MROH1: variants seen among roughly 807,000 people sequenced by gnomAD.
MROH1 encodes maestro heat like repeat family member 1.
Under a neutral mutation model 116.5 loss-of-function variants are expected in MROH1, and 117 were observed. The observed-to-expected ratio is 1.00, with a 90% CI of 0.86 to 1.17. The LOEUF is 1.17. Among genes scored for constraint, MROH1 ranks in the 50% most tolerant of loss-of-function variants. MROH1 has a pLI of 0.00. For missense variants in MROH1, 1,873 were observed against 1,338.5 expected, an observed-to-expected ratio of 1.40 and a Z score of -6.23; for synonymous variants, 921 against 583.9, an observed-to-expected ratio of 1.58 and a Z score of -8.32.
Position 144,261,861 on chromosome 8 carries a change from G to C in MROH1, c.*121G>C. The C allele has an allele frequency of 2.9e-6, 2 of 690,216 alleles. No individual in the cohort carries two copies. 42.8% of individuals were successfully genotyped at this position (690,216 alleles called of 1,614,324 possible). A position where few individuals can be genotyped will look rare whatever the true frequency, so the allele number is the denominator to read the frequency against. ...CTGGAGGGGCCTGGCCCCAGAACAG[G>C]CACTGCTGGGGACCAAACCCAAGCC... is the stretch of plus-strand genomic sequence containing the variant. On this transcript the variant is annotated 3_prime_UTR_variant, in exon 44 of 44. Coordinates refer to ENST00000326134, the MANE Select transcript of MROH1 (RefSeq NM_032450.3).
At chr8:144,192,503 G>A (rs1828888922) in intron 10 of MROH1, 102 bp downstream of exon 10, 3 of 952,938 alleles carry the variant, frequency 3.1e-6, no homozygotes, top group Admixed American at 4.0e-5. Context: ...GGATGGCTCA[G>A]CCACGTGGGG....
At chr8:144,205,878 A>G (rs1262251481) in intron 12 of MROH1, among the ~76,000 whole-genome samples, 2 of 152,222 alleles carry the variant, frequency 1.3e-5, no homozygotes, top group Non-Finnish European at 2.9e-5. Context: ...ATAATCTTCA[A>G]TAGAAATGCA....
intron 4 of MROH1, among the ~76,000 whole-genome samples, chr8:144,175,295 G>A (rs2131195972): frequency 6.8e-6 from 1 of 147,400 alleles, no homozygotes; most frequent in Non-Finnish European, 1.5e-5. Flanking sequence ...GCCCCTCCCA[G>A]CAACGGGTCC....
chr8:144,210,229 A>G (rs1359717667), intron 12 of MROH1, among the ~76,000 whole-genome samples: 1 of 152,058 alleles, frequency 6.6e-6, no homozygotes, highest in African/African-American at 2.4e-5. Context: ...ACTTGAGGTC[A>G]GGAATTTGAG....
chr8:144,179,208 C>T (rs1313263922), intron 4 of MROH1, among the ~76,000 whole-genome samples: 1 of 152,064 alleles, frequency 6.6e-6, no homozygotes, highest in Admixed American at 6.5e-5. Context: ...GAGAAGCCCC[C>T]CGCCTCGCCC....
intron 3 of MROH1, among the ~76,000 whole-genome samples, chr8:144,165,871 C>A (rs1048904463): frequency 2.6e-5 from 4 of 151,560 alleles, no homozygotes; most frequent in Non-Finnish European, 5.9e-5. Context: ...CTGTGCCCGG[C>A]CATCAGGCAT....
At chr8:144,198,861 C>G (rs1032009952) in intron 10 of MROH1, among the ~76,000 whole-genome samples, 1 of 152,114 alleles carries the variant, frequency 6.6e-6, no homozygotes, top group Non-Finnish European at 1.5e-5. Context: ...GTGTGTCTGC[C>G]TGTTGCTGCC....
chr8:144,227,931 T>G (rs906904063), intron 14 of MROH1, among the ~76,000 whole-genome samples: 6 of 137,072 alleles, frequency 4.4e-5, no homozygotes, highest in African/African-American at 1.7e-4. Flanking sequence ...CCCGCCTGGG[T>G]GACATAGTGA....
At chr8:144,195,320 T>A (rs1829611863) in intron 10 of MROH1, among the ~76,000 whole-genome samples, 1 of 147,298 alleles carries the variant, frequency 6.8e-6, no homozygotes, top group South Asian at 2.1e-4. Context: ...GATAACACGG[T>A]GAAACCCTGT....
At chr8:144,253,596 A>T (rs1843199510) in intron 33 of MROH1, among the ~76,000 whole-genome samples, 1 of 151,998 alleles carries the variant, frequency 6.6e-6, no homozygotes, top group South Asian at 2.1e-4. Flanking sequence ...CCTCCTGTGC[A>T]TTTGTCCACG....
intron 14 of MROH1, among the ~76,000 whole-genome samples, chr8:144,227,767 T>C (rs753946171): frequency 3.3e-5 from 5 of 151,554 alleles, no homozygotes; most frequent in Non-Finnish European, 7.4e-5. Context: ...CTGGGCAACA[T>C]AGCGAGACCT....
At position 144,190,918 on chromosome 8, in the gene MROH1, C is replaced by T. The variant is rs1828417327; in HGVS notation, c.697C>T (p.Gln233Ter). 1 of 1,613,352 alleles carries T rather than the reference C, an allele frequency of 6.2e-7. No individual in the cohort carries two copies. The highest frequency in any genetic ancestry group is 8.5e-7 in the Non-Finnish European group (1 of 1,179,850). Residue 233 changes from glutamine (Q) to a stop codon, truncating the protein, a stop_gained, in exon 8 of 44, where the codon CAG becomes TAG. Transcript: ENST00000326134. LOFTEE classifies it high-confidence loss of function. ...AYDVLFHQWL[Q>*]SREAKLRLAV... Reference sequence around the variant, plus strand: ...CGATGTTCTCTTCCATCAGTGGCTGCAGAGTCGAGAAGCCAAGGTATGCCC... The same window carrying T: ...CGATGTTCTCTTCCATCAGTGGCTGTAGAGTCGAGAAGCCAAGGTATGCCC...
chr8:144,200,671 T>A, intron 12 of MROH1, 130 bp downstream of exon 12: 1 of 731,868 alleles, frequency 1.4e-6, no homozygotes, highest in Non-Finnish European at 2.3e-6. Context: ...TTTCCCTACT[T>A]ACTATTTTGC....
chr8:144,188,710 C>A (rs1331083252), intron 7 of MROH1, among the ~76,000 whole-genome samples: 7 of 152,058 alleles, frequency 4.6e-5, no homozygotes, highest in Non-Finnish European at 1.0e-4. Flanking sequence ...TCATGATTCA[C>A]CCGCCTCAGC....
intron 35 of MROH1, 72 bp from the exon 36 acceptor site, chr8:144,258,705 A>G: frequency 2.8e-6 from 2 of 709,206 alleles, no homozygotes; most frequent in East Asian, 2.7e-5. Context: ...TTGGGTGCAG[A>G]CCTGAGGAGT....
intron 10 of MROH1, among the ~76,000 whole-genome samples, chr8:144,196,585 G>C (rs1829959641): frequency 6.6e-6 from 1 of 151,442 alleles, no homozygotes; most frequent in African/African-American, 2.4e-5. Flanking sequence ...TTGAACTCCT[G>C]ACCTCAAGTG....
intron 7 of MROH1, among the ~76,000 whole-genome samples, chr8:144,185,529 G>A (rs1826758679): frequency 7.0e-6 from 1 of 142,322 alleles, no homozygotes; most frequent in East Asian, 2.1e-4. Flanking sequence ...ACCGCGGGGA[G>A]ATGTGAGGGG....
rs1456013321 is a variant in MROH1 at position 144,190,848 on chromosome 8, C to T, written c.627C>T (p.Pro209=). 1.2e-6 allele frequency: 2 copies of T among 1,613,834 alleles called. No individual in the cohort carries two copies. The highest frequency in any genetic ancestry group is 1.7e-6 in the Non-Finnish European group (2 of 1,179,884). The part of the protein sequence containing the change: ...YLANLDRAPD[P]TVRKDAFATD... ...CCAACCTGGACCGAGCCCCAGACCC[C>T]ACGGTCAGGAAGGACGCCTTTGCCA... The change falls in exon 8 of 44, where the codon CCC becomes CCT. Residue 209 remains proline (P), a synonymous_variant. Transcript: ENST00000326134.
At chr8:144,258,492 C>T (rs2129913618) in intron 35 of MROH1, among the ~76,000 whole-genome samples, 1 of 152,324 alleles carries the variant, frequency 6.6e-6, no homozygotes, top group East Asian at 1.9e-4. Context: ...CCGGTGCAGC[C>T]AGAGGGCTTT....
Sources: allele counts gnomAD v4.1 joint callset (sites outside exome capture counted in the v4.1 genomes callset), GRCh38; gene constraint gnomAD v4.1.1; transcripts MANE v1.5; gene names NCBI Gene and HGNC (gene_info 2026-07-23, HGNC 2026-07-21).